ALK: variants seen among roughly 807,000 people sequenced by gnomAD.
ALK encodes ALK tyrosine kinase receptor.
ALK carries 74 observed loss-of-function variants against 163.1 expected under a neutral mutation model. The observed-to-expected ratio is 0.45, with a 90% CI of 0.38 to 0.55. The LOEUF (loss-of-function observed/expected upper bound fraction) is 0.55, where lower values mean the gene tolerates loss of function less well. Ranked by LOEUF, ALK falls within the 20% of genes least tolerant of loss-of-function variation. The probability of loss-of-function intolerance (pLI) is 0.00; values close to 1 mark genes in which losing one functional copy is unlikely to be tolerated. For missense variants in ALK, 2,063 were observed against 2,105.3 expected, an observed-to-expected ratio of 0.98 and a Z score of 0.39; for synonymous variants, 960 against 843.2, an observed-to-expected ratio of 1.14 and a Z score of -2.40.
At chr2:29,776,766 C>T (rs1445111704) in intron 1 of ALK, among the ~76,000 whole-genome samples, 1 of 152,024 alleles carries the variant, frequency 6.6e-6, no homozygotes, top group African/African-American at 2.4e-5. Flanking sequence ...CACTGCACTT[C>T]AGCCTGGGCA....
intron 1 of ALK, among the ~76,000 whole-genome samples, chr2:29,902,999 G>A (rs1667455403): frequency 6.6e-6 from 1 of 152,098 alleles, no homozygotes; most frequent in Non-Finnish European, 1.5e-5. Context: ...CACTTAACTA[G>A]GACCCAGAGA....
chr2:29,891,637 T>A (rs530068685), intron 1 of ALK, among the ~76,000 whole-genome samples: 1 of 152,148 alleles, frequency 6.6e-6, no homozygotes, highest in Non-Finnish European at 1.5e-5. Context: ...ATAAGAACTA[T>A]AAGAAAATGC....
intron 6 of ALK, among the ~76,000 whole-genome samples, chr2:29,323,631 A>T (rs1667143793): frequency 6.6e-6 from 1 of 152,212 alleles, no homozygotes; most frequent in Non-Finnish European, 1.5e-5. Context: ...TTGTAAACTC[A>T]TCAGGGCAGC....
Position 29,775,672 on chromosome 2 carries a change from C to G in ALK, c.668-57975G>C, listed in dbSNP as rs189296175. On this transcript the variant is annotated intron_variant, in intron 1 of 28. Coordinates refer to ENST00000389048, the MANE Select transcript of ALK (RefSeq NM_004304.5). Reference sequence around the variant, plus strand: ...TTCTTTGGGTAAAAATCCCTGCTTCCCCATTTACTAGCTGGGTGACCTTGG... The same window carrying G: ...TTCTTTGGGTAAAAATCCCTGCTTCGCCATTTACTAGCTGGGTGACCTTGG... 1.0e-3 allele frequency among the ~76,000 whole-genome samples: 158 copies of G among 152,272 alleles called. 3 individuals are homozygous for G. The Middle Eastern group carries it at 0.024, about 23-fold the overall frequency.
chr2:29,697,021 T>C (rs1156422533), intron 2 of ALK, among the ~76,000 whole-genome samples: 2 of 151,814 alleles, frequency 1.3e-5, no homozygotes, highest in South Asian at 2.1e-4. Context: ...CATATATCTA[T>C]GTAACAAATC....
At chr2:29,414,186 T>G (rs935642468) in intron 4 of ALK, among the ~76,000 whole-genome samples, 4 of 152,242 alleles carry the variant, frequency 2.6e-5, no homozygotes, top group Non-Finnish European at 4.4e-5. Context: ...ATAGGTGGTC[T>G]GCTGTTGACC....
intron 3 of ALK, among the ~76,000 whole-genome samples, chr2:29,545,116 G>A (rs1389709347): frequency 2.6e-5 from 4 of 152,170 alleles, no homozygotes; most frequent in Non-Finnish European, 5.9e-5. Flanking sequence ...ACCACTCTGT[G>A]GATCAGGCCC....
intron 1 of ALK, among the ~76,000 whole-genome samples, chr2:29,779,511 G>C (rs1306103024): frequency 6.6e-6 from 1 of 152,214 alleles, no homozygotes; most frequent in Non-Finnish European, 1.5e-5. Context: ...TTCAAGCCAA[G>C]GCTCTCTCTT....
chr2:29,782,961 A>G (rs1205098959), intron 1 of ALK, among the ~76,000 whole-genome samples: 2 of 152,202 alleles, frequency 1.3e-5, no homozygotes, highest in Non-Finnish European at 2.9e-5. Context: ...TTTGCTGTTC[A>G]TGAACATTAC....
At chr2:29,369,412 T>C (rs977468915) in intron 5 of ALK, among the ~76,000 whole-genome samples, 1 of 151,628 alleles carries the variant, frequency 6.6e-6, no homozygotes, top group Non-Finnish European at 1.5e-5. Flanking sequence ...GGAAGAGAGA[T>C]CATCAGAGGA....
At chr2:29,587,510 CA>C (rs1674922590) in intron 3 of ALK, among the ~76,000 whole-genome samples, 1 of 152,114 alleles carries the variant, frequency 6.6e-6, no homozygotes, top group Non-Finnish European at 1.5e-5. Context: ...TTGGAGGATC[CA>C]AAGGTCCAGG....
chr2:29,850,291 G>A (rs940968752), intron 1 of ALK, among the ~76,000 whole-genome samples: 1 of 152,198 alleles, frequency 6.6e-6, no homozygotes, highest in Non-Finnish European at 1.5e-5. Context: ...AGGGAGGGCA[G>A]TGCCAGATGA....
At chr2:29,564,115 C>T (rs1674105635) in intron 3 of ALK, among the ~76,000 whole-genome samples, 1 of 152,202 alleles carries the variant, frequency 6.6e-6, no homozygotes, top group African/African-American at 2.4e-5. Flanking sequence ...GGGGCATCTT[C>T]CTTGCCCCAA....
At chr2:29,772,791 T>G (rs1681063737) in intron 1 of ALK, among the ~76,000 whole-genome samples, 1 of 152,196 alleles carries the variant, frequency 6.6e-6, no homozygotes, top group Admixed American at 6.5e-5. Context: ...TGTTAGAACT[T>G]AAAGAAAGAA....
At chr2:29,286,034 C>A (rs373788945) in intron 9 of ALK, among the ~76,000 whole-genome samples, 4 of 152,224 alleles carry the variant, frequency 2.6e-5, no homozygotes, top group South Asian at 4.1e-4. Context: ...CCCTGAAGGC[C>A]TTCTCTGGAA....
intron 3 of ALK, among the ~76,000 whole-genome samples, chr2:29,686,765 C>G (rs573631310): frequency 6.6e-6 from 1 of 152,312 alleles, no homozygotes; most frequent in East Asian, 1.9e-4. Context: ...AAAGGCCTGT[C>G]CTGATGGGGA....
intron 1 of ALK, among the ~76,000 whole-genome samples, chr2:29,825,693 T>C (rs1439864730): frequency 6.8e-6 from 1 of 147,432 alleles, no homozygotes; most frequent in Non-Finnish European, 1.5e-5. Flanking sequence ...AGTTTTTGTC[T>C]TGAAAAGATC....
At chr2:29,236,482 C>T (rs1015329613) in intron 13 of ALK, among the ~76,000 whole-genome samples, 2 of 152,130 alleles carry the variant, frequency 1.3e-5, no homozygotes, top group African/African-American at 4.8e-5. Flanking sequence ...TTGTGCCATC[C>T]CTGTTACAGG....
intron 1 of ALK, chr2:29,907,014 A>G (rs1667569880): frequency 7.6e-6 from 1 of 131,228 alleles, no homozygotes; most frequent in Non-Finnish European, 1.5e-5. Flanking sequence ...CAGTGGCGCA[A>G]TCTCAGCTCA....
Sources: allele counts gnomAD v4.1 joint callset (sites outside exome capture counted in the v4.1 genomes callset), GRCh38; gene constraint gnomAD v4.1.1; transcripts MANE v1.5; gene names NCBI Gene and HGNC (gene_info 2026-07-23, HGNC 2026-07-21).